RNF111: variants seen among roughly 807,000 people sequenced by gnomAD.
The protein encoded by RNF111 is E3 ubiquitin-protein ligase Arkadia.
Under a neutral mutation model 95.1 loss-of-function variants are expected in RNF111, and 17 were observed. That is an observed-to-expected ratio of 0.18 (90% CI 0.12 to 0.27). The LOEUF (loss-of-function observed/expected upper bound fraction) is 0.27, where lower values mean the gene tolerates loss of function less well. Among genes scored for constraint, RNF111 ranks in the 10% least tolerant of loss-of-function variants. RNF111 has a pLI of 1.00. For missense variants in RNF111, 1,189 were observed against 1,210.4 expected (o/e 0.98, Z 0.26); for synonymous variants, 440 against 414.8 (o/e 1.06, Z -0.74).
At chr15:59,060,897 G>A (rs1345499235) in intron 5 of RNF111, among the ~76,000 whole-genome samples, 1 of 151,528 alleles carries the variant, frequency 6.6e-6, no homozygotes, top group Non-Finnish European at 1.5e-5. Flanking sequence ...CACCTCCCAG[G>A]CTCAAGTGAT....
intron 2 of RNF111, among the ~76,000 whole-genome samples, chr15:59,042,405 C>T (rs867568511): frequency 1.5e-4 from 23 of 152,108 alleles, no homozygotes; most frequent in Admixed American, 2.6e-4. Context: ...GGATTATAGG[C>T]GTGAGCCACT....
Position 59,081,055 on chromosome 15 carries a change from C to T in RNF111, c.2068C>T (p.His690Tyr), listed in dbSNP as rs201171332. ...GGATTATGTTATTCCTCATCCTGTA[C>T]ATGCTTTCCATTCTCAAATATCTTC... Reference protein sequence around the residue: ...QVDYVIPHPVHAFHSQISSHA... With the variant: ...QVDYVIPHPVYAFHSQISSHA... The change falls in exon 8 of 14, where the codon CAT (histidine) becomes TAT (tyrosine). Residue 690 changes from histidine to tyrosine, a missense_variant. Physicochemically the swap from His to Tyr is moderately conservative, Grantham distance 83 (BLOSUM62 2). This residue lies in a region of RNF111 where 1,024 missense variants were observed against 925.9 expected (regional missense o/e 1.11). Coordinates refer to ENST00000348370, the MANE Select transcript of RNF111 (RefSeq NM_017610.8). The T allele has an allele frequency of 6.2e-7, 1 of 1,614,150 alleles. No homozygotes were observed.
intron 9 of RNF111, 65 bp downstream of exon 9, chr15:59,084,319 G>T (rs2078834466): frequency 2.2e-6 from 3 of 1,394,542 alleles, no homozygotes; most frequent in Admixed American, 2.4e-5. Context: ...TGGAAGAGAT[G>T]CCTTGTGATT....
chr15:59,058,266 TATTA>T lies in RNF111; in HGVS notation c.1172-85_1172-82del, dbSNP rs1206844913. ...CTTGTATTTTTAAAGTTTTTTTATTTATTAATTATAAACACATTAGCTTACATTA... is the reference window on the plus strand; with the variant it reads ...CTTGTATTTTTAAAGTTTTTTTATTTATTATAAACACATTAGCTTACATTA... On this transcript the variant is annotated intron_variant, in intron 4 of 13. Coordinates refer to ENST00000348370, the MANE Select transcript of RNF111 (RefSeq NM_017610.8). 16 of 1,040,454 alleles carry T rather than the reference TATTA, an allele frequency of 1.5e-5. No homozygotes were observed. The African/African-American group carries it at 1.6e-4, about 11-fold the overall frequency. 64.5% of individuals were successfully genotyped at this position (1,040,454 alleles called of 1,614,324 possible).
chr15:59,081,395 A>T, intron 8 of RNF111, 111 bp downstream of exon 8: 1 of 907,214 alleles, frequency 1.1e-6, no homozygotes, highest in Non-Finnish European at 1.7e-6. Context: ...TTGTAGTCAC[A>T]GCTCCTTGGG....
chr15:59,085,894 G>C, intron 10 of RNF111, 109 bp downstream of exon 10: 1 of 954,198 alleles, frequency 1.0e-6, no homozygotes, highest in Non-Finnish European at 1.5e-6. Flanking sequence ...TAGAATTTGA[G>C]AGTAATCTTG....
At chr15:59,079,391 CT>C (rs2078669408) in intron 7 of RNF111, among the ~76,000 whole-genome samples, 1 of 152,154 alleles carries the variant, frequency 6.6e-6, no homozygotes, top group South Asian at 2.1e-4. Flanking sequence ...GAAAACAGAA[CT>C]TTTAGAAAAT....
At position 58,995,764 on chromosome 15, in the gene RNF111, C is replaced by CTTT. The variant is rs34209382; in HGVS notation, c.-20+7718_-20+7720dup. On this transcript the variant is annotated intron_variant, in intron 1 of 13. Coordinates refer to ENST00000348370, the MANE Select transcript of RNF111 (RefSeq NM_017610.8). ...CAGGCATGAGATGCCGTGCCCCGGC[C>CTTT]TTTTTTTTTTTTTTTTTTTTTTTTA... Among the ~76,000 whole-genome samples, 192 of 99,518 alleles carry CTTT rather than the reference C, an allele frequency of 1.9e-3. 2 individuals carry two copies. The highest frequency in any genetic ancestry group is 4.8e-3 in the African/African-American group (121 of 25,140). 65.3% of individuals were successfully genotyped at this position (99,518 alleles called of 152,430 possible).
At chr15:59,043,262 C>T (rs1271370856) in intron 2 of RNF111, among the ~76,000 whole-genome samples, 1 of 151,694 alleles carries the variant, frequency 6.6e-6, no homozygotes, top group East Asian at 1.9e-4. Context: ...TCAAGTGATT[C>T]TCCCACCTCA....
chr15:59,046,559 G>T (rs1416039830), intron 2 of RNF111, among the ~76,000 whole-genome samples: 1 of 152,142 alleles, frequency 6.6e-6, no homozygotes, highest in Non-Finnish European at 1.5e-5. Flanking sequence ...TTTACCTGTT[G>T]TCTGACACAG....
chr15:59,084,379 T>C, intron 9 of RNF111, 125 bp downstream of exon 9: 1 of 937,754 alleles, frequency 1.1e-6, no homozygotes, highest in Non-Finnish European at 1.5e-6. Flanking sequence ...CCAGTTTAAC[T>C]GAGACACTGC....
In RNF111 at chr15:59,030,803, G is replaced by T; in HGVS notation, c.-19-1G>T. On this transcript the variant is annotated splice_acceptor_variant, in intron 1 of 13. Coordinates refer to ENST00000348370, the MANE Select transcript of RNF111 (RefSeq NM_017610.8). LOFTEE classifies it low-confidence loss of function (5UTR_SPLICE). ...TTTAAATATCTAATTTTGTCTTCTA[G>T]GCTTTCCTTAAAGTTTCCCATGTCT... is the stretch of plus-strand genomic sequence containing the variant. The T allele has an allele frequency of 6.5e-7, 1 of 1,546,706 alleles. No homozygotes were observed. The highest frequency in any genetic ancestry group is 8.7e-7 in the Non-Finnish European group (1 of 1,146,460).
intron 10 of RNF111, among the ~76,000 whole-genome samples, chr15:59,086,651 G>T (rs1406261289): frequency 6.6e-6 from 1 of 152,222 alleles, no homozygotes; most frequent in Non-Finnish European, 1.5e-5. Flanking sequence ...TGACTTCTAA[G>T]CAGACTGGAT....
chr15:59,083,404 G>A (rs577051793), intron 8 of RNF111, among the ~76,000 whole-genome samples: 6 of 152,136 alleles, frequency 3.9e-5, no homozygotes, highest in Non-Finnish European at 7.4e-5. Context: ...TGGGCGTGGT[G>A]GCATGCACCT....
chr15:59,059,022 A>G (rs1476981367), intron 5 of RNF111, among the ~76,000 whole-genome samples: 1 of 152,150 alleles, frequency 6.6e-6, no homozygotes, highest in Non-Finnish European at 1.5e-5. Context: ...TCATGCTTGT[A>G]ATTCCAGTAC....
chr15:59,083,764 A>G (rs2078817678), intron 8 of RNF111, among the ~76,000 whole-genome samples: 1 of 152,132 alleles, frequency 6.6e-6, no homozygotes, highest in Non-Finnish European at 1.5e-5. Flanking sequence ...TGTGCCTGCA[A>G]CATTTGCCTG....
At chr15:59,004,229 C>A in intron 1 of RNF111, 1 of 585,252 alleles carries the variant, frequency 1.7e-6, no homozygotes, top group Non-Finnish European at 2.4e-6. Flanking sequence ...TTAAAATACT[C>A]CTTCTTTTCT....
intron 1 of RNF111, among the ~76,000 whole-genome samples, chr15:59,020,780 C>A (rs528861440): frequency 1.3e-5 from 2 of 152,126 alleles, no homozygotes; most frequent in Non-Finnish European, 2.9e-5. Context: ...AAACTCCAGT[C>A]CTCCATAATA....
intron 6 of RNF111, among the ~76,000 whole-genome samples, chr15:59,075,552 T>C (rs2043128666): frequency 6.6e-6 from 1 of 152,228 alleles, no homozygotes; most frequent in South Asian, 2.1e-4. Context: ...AGTGTGATAG[T>C]ATGTTTTCTC....
Sources: gnomAD v4.1 joint callset for allele counts (sites outside exome capture counted in the v4.1 genomes callset) on GRCh38, gnomAD v4.1.1 for gene constraint, gnomAD v4.1.1 regional missense constraint, MANE v1.5 for transcripts, NCBI Gene and HGNC (gene_info 2026-07-23, HGNC 2026-07-21) for gene names.